Variants in DNAJC15 observed in about 807,000 individuals in gnomAD.
DNAJC15 encodes the protein DnaJ heat shock protein family (Hsp40) member C15.
DNAJC15 carries 27 observed loss-of-function variants against 22.4 expected under a neutral mutation model. That is an observed-to-expected ratio of 1.20 (90% CI 0.89 to 1.66). DNAJC15 has a LOEUF of 1.66. Among genes scored for constraint, DNAJC15 ranks in the 40% most tolerant of loss-of-function variants. DNAJC15 has a pLI of 0.00. For missense variants in DNAJC15, 208 were observed against 187.1 expected (o/e 1.11, Z -0.65); for synonymous variants, 79 against 63.2 (o/e 1.25, Z -1.19).
chr13:43,087,176 T>C (rs1490418773), intron 5 of DNAJC15, among the ~76,000 whole-genome samples: 1 of 152,264 alleles, frequency 6.6e-6, no homozygotes, highest in Admixed American at 6.5e-5. Context: ...AAGATGCTTT[T>C]AATGTTTTTG....
chr13:43,069,864 A>C (rs1182239322), intron 3 of DNAJC15, among the ~76,000 whole-genome samples: 1 of 152,208 alleles, frequency 6.6e-6, no homozygotes, highest in Non-Finnish European at 1.5e-5. Context: ...GTCAAAGTTG[A>C]TATAATACTA....
At chr13:43,078,175 T>G (rs2040644316) in intron 3 of DNAJC15, among the ~76,000 whole-genome samples, 1 of 152,186 alleles carries the variant, frequency 6.6e-6, no homozygotes, top group Non-Finnish European at 1.5e-5. Context: ...TCTCTTGGCT[T>G]GCCTGTCTGC....
chr13:43,065,764 A>G (rs758212136), intron 2 of DNAJC15, 27 bp downstream of exon 2: 1 of 1,606,056 alleles, frequency 6.2e-7, no homozygotes. Flanking sequence ...ATACCAATAA[A>G]TTGCAGGAGA....
At chr13:43,093,274 T>A (rs1000657151) in intron 5 of DNAJC15, among the ~76,000 whole-genome samples, 1 of 152,194 alleles carries the variant, frequency 6.6e-6, no homozygotes, top group Non-Finnish European at 1.5e-5. Flanking sequence ...TTTTTTTGAA[T>A]GCCATACATT....
chr13:43,078,136 T>C (rs1390312223), intron 3 of DNAJC15, among the ~76,000 whole-genome samples: 3 of 152,182 alleles, frequency 2.0e-5, no homozygotes, highest in Non-Finnish European at 4.4e-5. Flanking sequence ...TCCAGCAGCA[T>C]TGAAACCTTT....
At chr13:43,038,420 C>A (rs182148284) in intron 1 of DNAJC15, among the ~76,000 whole-genome samples, 2 of 152,236 alleles carry the variant, frequency 1.3e-5, no homozygotes, top group South Asian at 2.1e-4. Context: ...AGAGGAAAAG[C>A]TGAAAGAGGG....
intron 5 of DNAJC15, among the ~76,000 whole-genome samples, chr13:43,087,916 TAAAAA>T (rs2040696908): frequency 6.6e-6 from 1 of 152,180 alleles, no homozygotes; most frequent in Non-Finnish European, 1.5e-5. Context: ...TGTAGTGAGA[TAAAAA>T]AATAATGCAG....
chr13:43,030,970 A>C (rs1310545342), intron 1 of DNAJC15, among the ~76,000 whole-genome samples: 1 of 152,230 alleles, frequency 6.6e-6, no homozygotes, highest in East Asian at 1.9e-4. Flanking sequence ...AGTGAGTTGA[A>C]TGAGTAGAAC....
intron 1 of DNAJC15, among the ~76,000 whole-genome samples, chr13:43,037,870 C>T (rs1480754367): frequency 6.6e-6 from 1 of 152,198 alleles, no homozygotes; most frequent in East Asian, 1.9e-4. Flanking sequence ...AAAACTCAAA[C>T]CATATTTCTT....
rs111304058 is a variant in DNAJC15, at chr13:43,028,945, G to T, written c.108+5211G>T. ...TTTGTATAAGCACCTATGGTGTGAA[G>T]TCCTCAGGGAAGACACTTGTATCTG... On this transcript the variant is annotated intron_variant, in intron 1 of 5. Transcript: ENST00000379221. Among the ~76,000 whole-genome samples the T allele has an allele frequency of 3.9e-3, 598 of 152,246 alleles. 3 individuals carry two copies. Among genetic ancestry groups the T allele is most frequent in the African/African-American group, 0.013 (534 of 41,538 alleles).
At position 43,085,765 on chromosome 13, in the gene DNAJC15, C is replaced by T. The variant is rs2040684919; in HGVS notation, c.312-3C>T. 3.1e-6 allele frequency: 5 copies of T among 1,610,576 alleles called. No individual in the cohort carries two copies. Among genetic ancestry groups the T allele is most frequent in the African/African-American group, 1.3e-5 (1 of 74,742 alleles). On this transcript the variant is annotated splice_polypyrimidine_tract_variant and splice_region_variant and intron_variant, in intron 4 of 5. Coordinates refer to ENST00000379221, the MANE Select transcript of DNAJC15 (RefSeq NM_013238.3). Reference sequence around the variant, plus strand: ...TTATAAGCACTGTAATTTCTTTTTACAGCCCATCTGCTGGCAAGGCTAAGA... The same window carrying T: ...TTATAAGCACTGTAATTTCTTTTTATAGCCCATCTGCTGGCAAGGCTAAGA...
intron 1 of DNAJC15, 60 bp downstream of exon 1, chr13:43,023,794 C>CTTGAA: frequency 6.9e-7 from 1 of 1,439,754 alleles, no homozygotes; most frequent in Non-Finnish European, 9.5e-7. Context: ...TGCTTCAGCC[C>CTTGAA]CCTCTACCGC....
intron 4 of DNAJC15, among the ~76,000 whole-genome samples, chr13:43,084,195 A>G (rs890842468): frequency 6.6e-6 from 1 of 152,204 alleles, no homozygotes; most frequent in African/African-American, 2.4e-5. Flanking sequence ...AATAATGACA[A>G]TGCTGTGAGC....
intron 1 of DNAJC15, among the ~76,000 whole-genome samples, chr13:43,037,300 G>A (rs757504136): frequency 8.5e-5 from 13 of 152,146 alleles, no homozygotes; most frequent in Non-Finnish European, 7.4e-5. Flanking sequence ...GATATAAGCC[G>A]AAAAAGAGAG....
chr13:43,100,800 C>T (rs2040765057), intron 5 of DNAJC15, among the ~76,000 whole-genome samples: 1 of 152,204 alleles, frequency 6.6e-6, no homozygotes, highest in African/African-American at 2.4e-5. Flanking sequence ...AGTATTAAGT[C>T]TTCTGTTTCC....
intron 1 of DNAJC15, among the ~76,000 whole-genome samples, chr13:43,063,176 A>G (rs1178877209): frequency 5.3e-5 from 8 of 151,918 alleles, no homozygotes; most frequent in Admixed American, 3.9e-4. Context: ...TGCCCAGCTA[A>G]TTTTTGTATT....
chr13:43,102,060 T>C (rs922039752), intron 5 of DNAJC15, among the ~76,000 whole-genome samples: 4 of 152,236 alleles, frequency 2.6e-5, no homozygotes, highest in Non-Finnish European at 5.9e-5. Context: ...GTATCAGTGT[T>C]CCCTTTTCAC....
At chr13:43,102,852 TA>T (rs988152434) in intron 5 of DNAJC15, among the ~76,000 whole-genome samples, 1 of 152,192 alleles carries the variant, frequency 6.6e-6, no homozygotes, top group African/African-American at 2.4e-5. Flanking sequence ...GCCAGCCTCA[TA>T]AAAAGAGTTT....
intron 1 of DNAJC15, among the ~76,000 whole-genome samples, chr13:43,049,649 TGA>T (rs913606054): frequency 6.6e-6 from 1 of 152,248 alleles, no homozygotes; most frequent in East Asian, 1.9e-4. Flanking sequence ...AGTTCTGTGT[TGA>T]GTTACTTACT....
Sources: gnomAD v4.1 joint callset for allele counts (sites outside exome capture counted in the v4.1 genomes callset) on GRCh38, gnomAD v4.1.1 for gene constraint, MANE v1.5 for transcripts, NCBI Gene and HGNC (gene_info 2026-07-23, HGNC 2026-07-21) for gene names.